FGGY: variants seen among roughly 807,000 people sequenced by gnomAD.
FGGY encodes FGGY carbohydrate kinase domain containing.
A neutral mutation model predicts 71.3 loss-of-function variants in FGGY; 72 were observed. That is an observed-to-expected ratio of 1.01 (90% CI 0.84 to 1.23). The LOEUF is 1.23. Among genes scored for constraint, FGGY ranks in the 50% most tolerant of loss-of-function variants. The pLI is 0.00. For synonymous variants in FGGY, 251 were observed against 250.3 expected, an observed-to-expected ratio of 1.00 and a Z score of -0.02; for missense variants, 668 against 682.3, an observed-to-expected ratio of 0.98 and a Z score of 0.23.
At chr1:59,462,260 G>T (rs2092297271) in intron 6 of FGGY, among the ~76,000 whole-genome samples, 1 of 152,164 alleles carries the variant, frequency 6.6e-6, no homozygotes, top group South Asian at 2.1e-4. Context: ...GCCATATGTA[G>T]AAAGCTGAAA....
chr1:59,455,023 T>G (rs2091547663), intron 5 of FGGY, among the ~76,000 whole-genome samples: 1 of 152,246 alleles, frequency 6.6e-6, no homozygotes, highest in African/African-American at 2.4e-5. Flanking sequence ...ACCTACCATG[T>G]AATGGACAAA....
intron 8 of FGGY, among the ~76,000 whole-genome samples, chr1:59,565,517 A>G (rs1322467812): frequency 1.3e-5 from 2 of 152,248 alleles, no homozygotes; most frequent in African/African-American, 4.8e-5. Flanking sequence ...ATCTCCTGAC[A>G]TTGTGATCCA....
chr1:59,671,409 A>G (rs1015339489), intron 13 of FGGY, among the ~76,000 whole-genome samples: 3 of 152,174 alleles, frequency 2.0e-5, no homozygotes, highest in South Asian at 2.1e-4. Context: ...GGAGCAGGCA[A>G]TCTGAGCCTG....
At chr1:59,458,960 C>T (rs1262072763) in intron 6 of FGGY, among the ~76,000 whole-genome samples, 1 of 152,168 alleles carries the variant, frequency 6.6e-6, no homozygotes, top group Non-Finnish European at 1.5e-5. Context: ...TCAGAAGCCT[C>T]CCTATGAAGT....
At chr1:59,432,329 T>G (rs908593164) in intron 5 of FGGY, among the ~76,000 whole-genome samples, 1 of 152,178 alleles carries the variant, frequency 6.6e-6, no homozygotes, top group Non-Finnish European at 1.5e-5. Context: ...TTATAGCAAA[T>G]TATCAAACCT....
At chr1:59,402,241 G>C (rs656357) in intron 5 of FGGY, among the ~76,000 whole-genome samples, 2 of 152,134 alleles carry the variant, frequency 1.3e-5, no homozygotes, top group East Asian at 3.9e-4. Context: ...GACAGAGCAC[G>C]GACATGTAGC....
At chr1:59,658,410 T>C (rs1416484997) in intron 11 of FGGY, among the ~76,000 whole-genome samples, 1 of 152,236 alleles carries the variant, frequency 6.6e-6, no homozygotes, top group African/African-American at 2.4e-5. Flanking sequence ...TCTTCTTGTG[T>C]ATTAAAAAAT....
At chr1:59,341,273 AG>A (rs1485173646) in intron 3 of FGGY, among the ~76,000 whole-genome samples, 1 of 152,180 alleles carries the variant, frequency 6.6e-6, no homozygotes, top group Non-Finnish European at 1.5e-5. Flanking sequence ...TGCTCAGAAA[AG>A]TTTCTTCCAT....
chr1:59,666,819 AT>A (rs1362454998), intron 12 of FGGY, among the ~76,000 whole-genome samples: 1 of 152,086 alleles, frequency 6.6e-6, no homozygotes, highest in Non-Finnish European at 1.5e-5. Flanking sequence ...CTGCTGCTGG[AT>A]TTTTTGGTGC....
At chr1:59,400,334 C>G (rs776871047) in intron 5 of FGGY, among the ~76,000 whole-genome samples, 3 of 152,164 alleles carry the variant, frequency 2.0e-5, no homozygotes, top group Admixed American at 6.5e-5. Flanking sequence ...TACCACCTAC[C>G]TTAAAGAACA....
At position 59,615,226 on chromosome 1, in the gene FGGY, A is replaced by G. The variant is rs146170831; in HGVS notation, c.1011+7316A>G. Among the ~76,000 whole-genome samples, 712 of 152,364 alleles carry G rather than the reference A, an allele frequency of 4.7e-3. 2 individuals are homozygous for G. Among genetic ancestry groups the G allele is most frequent in the Non-Finnish European group, 7.1e-3 (485 of 68,028 alleles). On this transcript the variant is annotated intron_variant, in intron 9 of 15. Coordinates refer to ENST00000303721, the MANE Select transcript of FGGY (RefSeq NM_018291.5). ...AAGCCAAAAGAACAAAGCTGGAGAC[A>G]TCACGCTACCTGACTTCAAACTATA...
Position 59,762,723 on chromosome 1 carries a change from A to T in FGGY, c.*139A>T. The T allele has an allele frequency of 1.6e-6, 1 of 643,726 alleles. No homozygotes were observed. Among genetic ancestry groups the T allele is most frequent in the South Asian group, 2.0e-5 (1 of 50,702 alleles). The allele number at this position is 643,726 out of a possible 1,614,324, so 39.9% of individuals were successfully genotyped here. On this transcript the variant is annotated 3_prime_UTR_variant, in exon 16 of 16. Transcript: ENST00000303721. ...TTCAATAAAGAAAACAAACATGTGC[A>T]ACCAGAATTAGAGTCTTCATTTCAA...
At chr1:59,461,998 C>T (rs912171937) in intron 6 of FGGY, among the ~76,000 whole-genome samples, 7 of 151,126 alleles carry the variant, frequency 4.6e-5, no homozygotes, top group African/African-American at 7.3e-5. Context: ...CACAACAGTC[C>T]CCAGAGTGTG....
chr1:59,707,617 C>T (rs780918926), intron 14 of FGGY, among the ~76,000 whole-genome samples: 5 of 152,210 alleles, frequency 3.3e-5, no homozygotes, highest in South Asian at 2.1e-4. Flanking sequence ...ACAGAATTCT[C>T]GTCACAACAG....
At chr1:59,531,214 T>A (rs2095133646) in intron 7 of FGGY, among the ~76,000 whole-genome samples, 1 of 152,218 alleles carries the variant, frequency 6.6e-6, no homozygotes, top group Non-Finnish European at 1.5e-5. Context: ...ACAAGTCACC[T>A]CTTTAAACCT....
At chr1:59,614,076 G>A (rs1390206839) in intron 9 of FGGY, among the ~76,000 whole-genome samples, 1 of 152,172 alleles carries the variant, frequency 6.6e-6, no homozygotes, top group Non-Finnish European at 1.5e-5. Flanking sequence ...GGTACAAGGA[G>A]GAACTGGTAC....
chr1:59,482,952 G>A (rs972859727), intron 6 of FGGY, among the ~76,000 whole-genome samples: 3 of 152,030 alleles, frequency 2.0e-5, no homozygotes, highest in African/African-American at 4.8e-5. Context: ...AGAACCACCT[G>A]GGGGGATTCT....
At chr1:59,349,559 G>A (rs1190279437) in intron 4 of FGGY, among the ~76,000 whole-genome samples, 1 of 152,134 alleles carries the variant, frequency 6.6e-6, no homozygotes, top group Non-Finnish European at 1.5e-5. Context: ...ATAGGAAATA[G>A]TTAAAGTCTA....
intron 7 of FGGY, 41 bp from the exon 8 acceptor site, chr1:59,554,083 A>G (rs1022292712): frequency 9.9e-6 from 14 of 1,420,120 alleles, no homozygotes; most frequent in Admixed American, 6.0e-5. Context: ...CTCTTTTTTT[A>G]TGTGTTAAAG....
Sources: gnomAD v4.1 joint callset for allele counts (sites outside exome capture counted in the v4.1 genomes callset) on GRCh38, gnomAD v4.1.1 for gene constraint, MANE v1.5 for transcripts, NCBI Gene and HGNC (gene_info 2026-07-23, HGNC 2026-07-21) for gene names.